The following VCAN variants were observed in gnomAD, a reference collection of about 807,000 sequenced individuals.
VCAN encodes versican core protein.
Under a neutral mutation model 245.5 loss-of-function variants are expected in VCAN, and 44 were observed. That is an observed-to-expected ratio of 0.18 (90% CI 0.14 to 0.23). VCAN has a LOEUF of 0.23. Among genes scored for constraint, VCAN ranks in the 10% least tolerant of loss-of-function variants. The pLI is 1.00. For synonymous variants in VCAN, 1,413 were observed against 1,437.0 expected, an observed-to-expected ratio of 0.98 and a Z score of 0.38; for missense variants, 3,793 against 4,057.9, an observed-to-expected ratio of 0.93 and a Z score of 1.77.
intron 9 of VCAN, among the ~76,000 whole-genome samples, chr5:83,547,393 G>A (rs1747268317): frequency 1.3e-5 from 2 of 152,176 alleles, no homozygotes; most frequent in African/African-American, 2.4e-5. Flanking sequence ...GTGGTCCAGG[G>A]AGCTCACGTT....
chr5:83,507,355 T>G (rs941211926), intron 5 of VCAN, among the ~76,000 whole-genome samples: 4 of 152,242 alleles, frequency 2.6e-5, no homozygotes, highest in African/African-American at 4.8e-5. Context: ...AACTTTGTTC[T>G]ATGCTACTAA....
Position 83,538,287 on chromosome 5 carries a change from G to A in VCAN, c.5284G>A (p.Ala1762Thr). Residue 1762 changes from alanine (A) to threonine (T), a missense_variant, in exon 8 of 15, where the codon GCT becomes ACT. This residue lies in a region of VCAN where 3,182 missense variants were observed against 3,250.3 expected (regional missense o/e 0.98). Transcript: ENST00000265077. ...CTTTGAATTAGAAAGTCCAAATGTA[G>A]CTACATCTAGTGATTCAGGTACCAG... ...LPFELESPNVATSSDSGTRKS... is the reference protein window; with the variant it reads ...LPFELESPNVTTSSDSGTRKS... The A allele has an allele frequency of 2.5e-6, 4 of 1,614,058 alleles. No homozygotes were observed. Among genetic ancestry groups the A allele is most frequent in the Non-Finnish European group, 3.4e-6 (4 of 1,179,978 alleles).
intron 5 of VCAN, among the ~76,000 whole-genome samples, chr5:83,503,334 T>C (rs1745387867): frequency 6.6e-6 from 1 of 152,100 alleles, no homozygotes; most frequent in African/African-American, 2.4e-5. Flanking sequence ...ATACTTGATA[T>C]ATTCTGTTAG....
rs1748612218 is a variant in VCAN, at chr5:83,580,001, T to C, written c.9902T>C (p.Val3301Ala). The change falls in exon 14 of 15, where the codon GTT (valine) becomes GCT (alanine). Residue 3301 changes from valine to alanine, a missense_variant. By Grantham distance (64) the Val-to-Ala change is moderately conservative (BLOSUM62 0). Coordinates refer to ENST00000265077, the MANE Select transcript of VCAN (RefSeq NM_004385.5). Reference protein sequence around the residue: ...KGTVACGQPPVVENAKTFGKM... With the variant: ...KGTVACGQPPAVENAKTFGKM... Reference sequence around the variant, plus strand: ...TTAGTCGCTTGCGGCCAGCCCCCTGTTGTAGAAAATGCCAAGACCTTTGGA... The same window carrying C: ...TTAGTCGCTTGCGGCCAGCCCCCTGCTGTAGAAAATGCCAAGACCTTTGGA... 5 of 1,614,068 alleles carry C rather than the reference T, an allele frequency of 3.1e-6. No homozygotes were observed. Among genetic ancestry groups the C allele is most frequent in the Non-Finnish European group, 3.4e-6 (4 of 1,179,980 alleles).
chr5:83,575,670 A>T (rs1748446272), intron 13 of VCAN, among the ~76,000 whole-genome samples: 1 of 152,208 alleles, frequency 6.6e-6, no homozygotes, highest in African/African-American at 2.4e-5. Flanking sequence ...ACATGTCAGT[A>T]GCACCTTTAC....
chr5:83,514,589 T>C (rs1745784139), intron 6 of VCAN, among the ~76,000 whole-genome samples: 1 of 151,834 alleles, frequency 6.6e-6, no homozygotes, highest in Non-Finnish European at 1.5e-5. Flanking sequence ...GCCACCCAAG[T>C]AGCTGGGTTA....
rs767670774 is a variant in VCAN, at chr5:83,580,489, T to G, written c.*55T>G. ...CATTTCAGCCAAAGTCCTAACTTCCTGTGCCTTTCCTATCACCTCGAGAAG... is the reference window on the plus strand; with the variant it reads ...CATTTCAGCCAAAGTCCTAACTTCCGGTGCCTTTCCTATCACCTCGAGAAG... On this transcript the variant is annotated 3_prime_UTR_variant, in exon 15 of 15. Transcript: ENST00000265077. The G allele has an allele frequency of 8.7e-6, 14 of 1,608,870 alleles. No individual in the cohort carries two copies. Among genetic ancestry groups the G allele is most frequent in the Non-Finnish European group, 1.1e-5 (13 of 1,177,388 alleles).
At chr5:83,475,452 T>C (rs973865336) in intron 1 of VCAN, among the ~76,000 whole-genome samples, 6 of 152,190 alleles carry the variant, frequency 3.9e-5, no homozygotes, top group Non-Finnish European at 8.8e-5. Flanking sequence ...TTCTTGACAA[T>C]TTCGCCAAAC....
chr5:83,548,586 A>G (rs1271203440), intron 10 of VCAN, among the ~76,000 whole-genome samples: 3 of 152,166 alleles, frequency 2.0e-5, no homozygotes, highest in African/African-American at 7.2e-5. Flanking sequence ...AGAAGGATTG[A>G]CTTTTTCTGA....
chr5:83,577,397 T>G (rs1401195821), intron 13 of VCAN, among the ~76,000 whole-genome samples: 2 of 152,202 alleles, frequency 1.3e-5, no homozygotes, highest in Non-Finnish European at 1.5e-5. Context: ...TCGTAGCCAA[T>G]GATTATAACC....
At chr5:83,496,141 G>A (rs1218471613) in intron 5 of VCAN, among the ~76,000 whole-genome samples, 1 of 152,150 alleles carries the variant, frequency 6.6e-6, no homozygotes, top group African/African-American at 2.4e-5. Flanking sequence ...TTCATTGAAC[G>A]ATGGCTCCCC....
chr5:83,520,078 A>G lies in VCAN; in HGVS notation c.1772A>G (p.His591Arg), dbSNP rs2112408169. The G allele has an allele frequency of 1.2e-6, 2 of 1,614,086 alleles. No homozygotes were observed. Among genetic ancestry groups the G allele is most frequent in the South Asian group, 1.1e-5 (1 of 91,084 alleles). The change falls in exon 7 of 15, where the codon CAC becomes CGC. Residue 591 changes from histidine to arginine, a missense_variant. Coordinates refer to ENST00000265077, the MANE Select transcript of VCAN (RefSeq NM_004385.5). ...TVSKTSEDTI[H>R]THLEDLESVS... ...TCAAAGACTTCAGAAGACACCATCCACACTCATTTAGAAGACTTGGAGTCA... is the reference window on the plus strand; with the variant it reads ...TCAAAGACTTCAGAAGACACCATCCGCACTCATTTAGAAGACTTGGAGTCA...
rs1561276611 is a variant in VCAN, at chr5:83,572,893, ATTTATTT to A, written c.9880+334_9880+340del. Among the ~76,000 whole-genome samples the A allele has an allele frequency of 4.7e-5, 7 of 147,598 alleles. 1 individual carries two copies. The South Asian group carries it at 6.3e-4, about 13-fold the overall frequency. ...TATTTATTTATTTATTTATTTATTTATTTATTTATTATTATTATTGTTTTTTGAGATG... is the reference window on the plus strand; with the variant it reads ...TATTTATTTATTTATTTATTTATTTAATTATTATTATTGTTTTTTGAGATG... On this transcript the variant is annotated intron_variant, in intron 13 of 14. Coordinates refer to ENST00000265077, the MANE Select transcript of VCAN (RefSeq NM_004385.5).
At position 83,538,308 on chromosome 5, in the gene VCAN, A is replaced by G; in HGVS notation, c.5305A>G (p.Thr1769Ala). 1 of 1,614,104 alleles carries G rather than the reference A, an allele frequency of 6.2e-7. No homozygotes were observed. Among genetic ancestry groups the G allele is most frequent in the Non-Finnish European group, 8.5e-7 (1 of 1,179,970 alleles). Reference protein sequence around the residue: ...PNVATSSDSGTRKSFMSLTTP... With the variant: ...PNVATSSDSGARKSFMSLTTP... ...TGTAGCTACATCTAGTGATTCAGGT[A>G]CCAGGAAAAGTTTTATGTCCTTGAC... The change falls in exon 8 of 15, where the codon ACC (threonine) becomes GCC (alanine). Residue 1769 changes from threonine (T) to alanine (A), a missense_variant. Transcript: ENST00000265077.
Position 83,498,999 on chromosome 5 carries a change from C to CCA in VCAN, c.748+5074_748+5075dup, listed in dbSNP as rs575370146. On this transcript the variant is annotated intron_variant, in intron 5 of 14. Transcript: ENST00000265077. ...CATTCCCACACTCTTCAATGTGACC[C>CCA]CACACACGTGCATCTCGCCCTGCAC... Among the ~76,000 whole-genome samples the CCA allele has an allele frequency of 3.3e-5, 5 of 152,214 alleles. No homozygotes were observed. The South Asian group carries it at 8.3e-4, about 25-fold the overall frequency.
intron 8 of VCAN, among the ~76,000 whole-genome samples, chr5:83,545,289 C>T (rs1325431702): frequency 6.6e-6 from 1 of 151,930 alleles, no homozygotes; most frequent in African/African-American, 2.4e-5. Flanking sequence ...AGATACAGTA[C>T]AAAAAATATC....
intron 5 of VCAN, among the ~76,000 whole-genome samples, chr5:83,499,281 T>C (rs146682899): frequency 6.6e-5 from 10 of 152,318 alleles, no homozygotes; most frequent in Admixed American, 5.9e-4. Flanking sequence ...GTTATATGTT[T>C]GTTTTATTTC....
intron 5 of VCAN, among the ~76,000 whole-genome samples, chr5:83,499,666 G>A (rs1386716056): frequency 6.6e-6 from 1 of 151,596 alleles, no homozygotes; most frequent in East Asian, 1.9e-4. Context: ...CTCCTTTCTG[G>A]CCTCTCATGG....
chr5:83,540,505 A>T lies in VCAN; in HGVS notation c.7502A>T (p.Asp2501Val). The change falls in exon 8 of 15, where the codon GAT (aspartate) becomes GTT (valine). Residue 2501 changes from aspartate to valine, a missense_variant. Asp to Val is a radical substitution (Grantham distance 152, BLOSUM62 -3). This residue lies in a region of VCAN where 3,182 missense variants were observed against 3,250.3 expected (regional missense o/e 0.98). Coordinates refer to ENST00000265077, the MANE Select transcript of VCAN (RefSeq NM_004385.5). ...LHSEQNKSSP[D>V]PTSTLSNTVS... is the part of the protein sequence containing the mutation. ...TCAGAGCAGAACAAAAGCTCCCCTG[A>T]TCCAACTAGCACACTGTCAAATACA... The T allele has an allele frequency of 6.2e-7, 1 of 1,613,972 alleles. No homozygotes were observed. Among genetic ancestry groups the T allele is most frequent in the Non-Finnish European group, 8.5e-7 (1 of 1,179,950 alleles).
Sources: gnomAD v4.1 joint callset for allele counts (sites outside exome capture counted in the v4.1 genomes callset) on GRCh38, gnomAD v4.1.1 for gene constraint, gnomAD v4.1.1 regional missense constraint, MANE v1.5 for transcripts, NCBI Gene and HGNC (gene_info 2026-07-23, HGNC 2026-07-21) for gene names.